ROBO2: variants seen among roughly 807,000 people sequenced by gnomAD.
ROBO2 encodes the protein roundabout guidance receptor 2, also known as roundabout homolog 2.
In ROBO2, 53 loss-of-function variants were observed where a neutral mutation model predicts 160.8. The ratio of observed to expected loss-of-function variants is 0.33; its 90% CI spans 0.26 to 0.41. ROBO2 has a LOEUF of 0.41. Among genes scored for constraint, ROBO2 ranks in the 10% least tolerant of loss-of-function variants. ROBO2 has a pLI of 1.00. For missense variants in ROBO2, 1,577 were observed against 1,722.4 expected (o/e 0.92, Z 1.49); for synonymous variants, 664 against 611.7 (o/e 1.09, Z -1.26).
intron 2 of ROBO2, among the ~76,000 whole-genome samples, chr3:76,176,931 G>T (rs2073253306): frequency 6.6e-6 from 1 of 152,032 alleles, no homozygotes. Context: ...GGTAAAACTA[G>T]AATTTGAACC....
At chr3:77,507,774 ATGTTCTTCTTAGT>A (rs1291700116) in intron 5 of ROBO2, among the ~76,000 whole-genome samples, 17 of 152,172 alleles carry the variant, frequency 1.1e-4, no homozygotes, top group East Asian at 3.8e-4. Context: ...GTAGGAACAA[ATGTTCTTCTTAGT>A]TGTTCTTCTT....
At chr3:77,624,226 CT>C (rs200546912) in intron 23 of ROBO2, among the ~76,000 whole-genome samples, 3 of 150,700 alleles carry the variant, frequency 2.0e-5, no homozygotes, top group East Asian at 2.0e-4. Flanking sequence ...TACAAACTCA[CT>C]TTTTTTTTCC....
At chr3:77,127,008 C>G (rs2075396060) in intron 2 of ROBO2, among the ~76,000 whole-genome samples, 1 of 151,684 alleles carries the variant, frequency 6.6e-6, no homozygotes, top group Non-Finnish European at 1.5e-5. Context: ...CCAGGATGGT[C>G]TCCATCTCCT....
rs145693420 is a variant in ROBO2, at chr3:76,969,189, T to G, written c.110-128825T>G. 3.2e-3 allele frequency among the ~76,000 whole-genome samples: 480 copies of G among 152,308 alleles called. 4 individuals carry two copies. The highest frequency in any genetic ancestry group is 0.011 in the African/African-American group (449 of 41,578). On this transcript the variant is annotated intron_variant, in intron 2 of 26. Coordinates refer to the ROBO2 transcript ENST00000487694. ...TAAAGTGGCAGAAAATTTCACCTTA[T>G]CTATTGCAGATTTTAGAATCAATAC...
intron 2 of ROBO2, among the ~76,000 whole-genome samples, chr3:77,164,685 C>A (rs1172972522): frequency 1.8e-5 from 2 of 113,220 alleles, no homozygotes; most frequent in Non-Finnish European, 3.8e-5. Flanking sequence ...CCCCGCCTGG[C>A]CAGCCGTGCT....
intron 1 of ROBO2, among the ~76,000 whole-genome samples, chr3:75,926,734 TAAATC>T (rs746899508): frequency 6.6e-6 from 1 of 152,190 alleles, no homozygotes; most frequent in Non-Finnish European, 1.5e-5. Flanking sequence ...GTAACAGTGA[TAAATC>T]AAAGAGCAAT....
At chr3:76,145,436 A>G (rs996348651) in intron 2 of ROBO2, among the ~76,000 whole-genome samples, 12 of 152,010 alleles carry the variant, frequency 7.9e-5, no homozygotes, top group Admixed American at 3.9e-4. Context: ...GCTTGGGAGG[A>G]GACAGGTCTG....
chr3:76,665,190 A>G (rs2091971506), intron 2 of ROBO2, among the ~76,000 whole-genome samples: 1 of 152,058 alleles, frequency 6.6e-6, no homozygotes, highest in East Asian at 1.9e-4. Context: ...TTCAGATTCT[A>G]TATTCATACC....
At chr3:77,109,185 T>C (rs2073243559) in intron 2 of ROBO2, among the ~76,000 whole-genome samples, 1 of 152,244 alleles carries the variant, frequency 6.6e-6, no homozygotes, top group Admixed American at 6.5e-5. Flanking sequence ...TACAGTACCT[T>C]CTACTGGTCG....
At chr3:76,593,147 T>G (rs765078334) in intron 2 of ROBO2, among the ~76,000 whole-genome samples, 1 of 152,222 alleles carries the variant, frequency 6.6e-6, no homozygotes, top group South Asian at 2.1e-4. Flanking sequence ...AATACACACA[T>G]GAATAATACA....
At chr3:76,577,803 A>G (rs977592091) in intron 2 of ROBO2, among the ~76,000 whole-genome samples, 3 of 152,170 alleles carry the variant, frequency 2.0e-5, no homozygotes, top group Non-Finnish European at 4.4e-5. Flanking sequence ...CGTTATTAAT[A>G]TCTGAAGAAT....
chr3:76,018,563 A>G (rs1043540757), intron 2 of ROBO2, among the ~76,000 whole-genome samples: 5 of 151,568 alleles, frequency 3.3e-5, no homozygotes, highest in Non-Finnish European at 7.4e-5. Flanking sequence ...GCTTTTTTGT[A>G]TGTTTTAAAT....
chr3:77,437,982 A>G (rs1199113412), intron 2 of ROBO2, among the ~76,000 whole-genome samples: 1 of 152,148 alleles, frequency 6.6e-6, no homozygotes, highest in East Asian at 1.9e-4. Flanking sequence ...AAAGCAATTT[A>G]AAACATTTTT....
chr3:76,412,036 G>A (rs2075514873), intron 2 of ROBO2, among the ~76,000 whole-genome samples: 1 of 152,156 alleles, frequency 6.6e-6, no homozygotes, highest in South Asian at 2.1e-4. Context: ...TGGACTTACA[G>A]TTCCACATGG....
intron 2 of ROBO2, among the ~76,000 whole-genome samples, chr3:76,948,694 G>A (rs2078724966): frequency 7.0e-6 from 1 of 142,924 alleles, no homozygotes; most frequent in Admixed American, 7.1e-5. Flanking sequence ...CCTCCACTGA[G>A]GCTATAATTA....
chr3:77,473,558 A>G (rs1472133563), intron 2 of ROBO2, among the ~76,000 whole-genome samples: 1 of 138,194 alleles, frequency 7.2e-6, no homozygotes, highest in Non-Finnish European at 1.5e-5. Context: ...GGTTCCTGCC[A>G]TTCTCCTGCC....
intron 5 of ROBO2, among the ~76,000 whole-genome samples, chr3:77,521,360 G>A (rs868287112): frequency 3.3e-5 from 5 of 151,212 alleles, no homozygotes; most frequent in Middle Eastern, 3.2e-3. Flanking sequence ...ATTGCAGTGA[G>A]TGAAGCAGAC....
chr3:76,233,814 T>C (rs1293941886), intron 2 of ROBO2, among the ~76,000 whole-genome samples: 2 of 152,200 alleles, frequency 1.3e-5, no homozygotes, highest in Non-Finnish European at 2.9e-5. Context: ...TTTTGTTATT[T>C]TGTTTTTAAC....
At chr3:76,272,474 C>A (rs1288904294) in intron 2 of ROBO2, among the ~76,000 whole-genome samples, 3 of 151,340 alleles carry the variant, frequency 2.0e-5, no homozygotes, top group African/African-American at 7.3e-5. Context: ...ACCAGCCTGG[C>A]TAACATGGTG....
Sources: allele counts gnomAD v4.1 joint callset (sites outside exome capture counted in the v4.1 genomes callset), GRCh38; gene constraint gnomAD v4.1.1; transcripts MANE v1.5; gene names NCBI Gene and HGNC (gene_info 2026-07-23, HGNC 2026-07-21).